The following EML6 variants were observed in gnomAD, a reference collection of about 807,000 sequenced individuals.
EML6 encodes EMAP like 6, also known as echinoderm microtubule-associated protein-like 6.
EML6 carries 154 observed loss-of-function variants against 240.1 expected under a neutral mutation model. That is an observed-to-expected ratio of 0.64 (90% CI 0.56 to 0.73). EML6 has a LOEUF of 0.73. Among genes scored for constraint, EML6 ranks in the 30% least tolerant of loss-of-function variants. The pLI is 0.00. For synonymous variants in EML6, 1,148 were observed against 899.0 expected (o/e 1.28, Z -4.95); for missense variants, 2,964 against 2,474.6 (o/e 1.20, Z -4.20).
intron 32 of EML6, among the ~76,000 whole-genome samples, chr2:54,955,944 G>C (rs1676212009): frequency 6.6e-6 from 1 of 152,044 alleles, no homozygotes; most frequent in South Asian, 2.1e-4. Context: ...GTTTGGGGAG[G>C]TTTACATACA....
chr2:54,882,394 C>G (rs1481838247), intron 17 of EML6: 1 of 151,184 alleles, frequency 6.6e-6, no homozygotes, highest in South Asian at 2.1e-4. Context: ...CACTGTCAAT[C>G]AGGGCAGAAT....
chr2:54,912,357 T>C (rs757765132), intron 25 of EML6, among the ~76,000 whole-genome samples: 26 of 152,222 alleles, frequency 1.7e-4, no homozygotes, highest in Admixed American at 3.3e-4. Context: ...ACGTCCTTCA[T>C]TCACTGGTAA....
chr2:54,884,683 T>G (rs73938658), intron 17 of EML6, among the ~76,000 whole-genome samples: 6,513 of 152,292 alleles, frequency 0.043, 489 homozygotes, highest in African/African-American at 0.15. Context: ...ACAATGGCAC[T>G]AAGAAATCAG....
chr2:54,726,923 C>G (rs978665440), intron 2 of EML6, among the ~76,000 whole-genome samples: 2 of 152,160 alleles, frequency 1.3e-5, no homozygotes, highest in Admixed American at 6.5e-5. Context: ...ATTAATGTGA[C>G]AGTTCACTGA....
At position 54,968,732 on chromosome 2, in the gene EML6, A is replaced by G. The variant is rs762934180; in HGVS notation, c.5816A>G (p.Asp1939Gly). The change falls in exon 41 of 42, where the codon GAC becomes GGC. Residue 1939 changes from aspartate to glycine, a missense_variant. Transcript: ENST00000356458. The part of the protein sequence containing the change: ...HVTNIRFSYD[D>G]KYVVSTGGDD... ...ACGAACATCCGTTTCTCTTATGATG[A>G]CAAGTATGTGGTCAGCACTGGAGGA... The G allele has an allele frequency of 1.3e-6, 2 of 1,550,502 alleles. No homozygotes were observed. The highest frequency in any genetic ancestry group is 2.7e-5 in the African/African-American group (2 of 73,004).
intron 26 of EML6, among the ~76,000 whole-genome samples, chr2:54,920,975 C>T (rs1674215754): frequency 6.6e-6 from 1 of 151,964 alleles, no homozygotes; most frequent in Non-Finnish European, 1.5e-5. Flanking sequence ...TGATTAAAAA[C>T]ACTTCAATTA....
intron 26 of EML6, among the ~76,000 whole-genome samples, chr2:54,922,933 CTTTTTT>C (rs36078208): frequency 8.1e-5 from 6 of 73,852 alleles, no homozygotes; most frequent in South Asian, 5.4e-4. Context: ...AGGGTATAAA[CTTTTTT>C]TTTTTTTTTT....
At chr2:54,809,614 G>A (rs1667725487) in intron 2 of EML6, among the ~76,000 whole-genome samples, 1 of 151,944 alleles carries the variant, frequency 6.6e-6, no homozygotes, top group African/African-American at 2.4e-5. Flanking sequence ...TTTCATTTGG[G>A]GAAAATTCAA....
chr2:54,841,010 A>AG (rs1180228004), intron 7 of EML6, among the ~76,000 whole-genome samples: 5 of 152,252 alleles, frequency 3.3e-5, no homozygotes, highest in African/African-American at 1.2e-4. Context: ...GCAGGAGCTG[A>AG]GAAAAACACC....
At chr2:54,777,244 C>CT (rs1282642615) in intron 2 of EML6, among the ~76,000 whole-genome samples, 2 of 152,114 alleles carry the variant, frequency 1.3e-5, no homozygotes, top group African/African-American at 2.4e-5. Context: ...TGCCTTCTCA[C>CT]TGCCAGCAAA....
chr2:54,794,573 C>G (rs1291969023), intron 2 of EML6, among the ~76,000 whole-genome samples: 2 of 152,110 alleles, frequency 1.3e-5, no homozygotes, highest in Non-Finnish European at 2.9e-5. Context: ...TCCTGATGCC[C>G]CCTAAAGGAT....
intron 33 of EML6, among the ~76,000 whole-genome samples, chr2:54,958,736 G>T (rs1433751476): frequency 1.3e-5 from 2 of 152,296 alleles, no homozygotes; most frequent in East Asian, 3.9e-4. Flanking sequence ...TGGTCCTCCA[G>T]GAGTGGGTTT....
At chr2:54,751,996 T>C (rs1490964352) in intron 2 of EML6, among the ~76,000 whole-genome samples, 1 of 152,230 alleles carries the variant, frequency 6.6e-6, no homozygotes, top group African/African-American at 2.4e-5. Context: ...CAGCCTCTAT[T>C]TGTAACTTAG....
Position 54,799,856 on chromosome 2 carries a change from T to C in EML6, c.198-13376T>C, listed in dbSNP as rs191911277. Among the ~76,000 whole-genome samples, 694 of 152,360 alleles carry C rather than the reference T, an allele frequency of 4.6e-3. 6 individuals carry two copies. The highest frequency in any genetic ancestry group is 0.014 in the African/African-American group (595 of 41,582). The stretch of plus-strand genomic sequence containing the variant: ...CATTTTGAGTCTTTGCTCAGTTTGT[T>C]ACTAGATAGAGCTCTCTGACCTTTG... On this transcript the variant is annotated intron_variant, in intron 2 of 41. Transcript: ENST00000356458.
At chr2:54,845,665 A>C (rs1669712508) in intron 8 of EML6, among the ~76,000 whole-genome samples, 1 of 152,206 alleles carries the variant, frequency 6.6e-6, no homozygotes, top group Non-Finnish European at 1.5e-5. Context: ...AAAATAGTAC[A>C]AGGTTGAAAC....
At chr2:54,849,036 T>G (rs1304844804) in intron 9 of EML6, among the ~76,000 whole-genome samples, 12 of 152,234 alleles carry the variant, frequency 7.9e-5, no homozygotes, top group Admixed American at 4.6e-4. Context: ...CCATGGCGTA[T>G]TTTTAAAACA....
chr2:54,800,899 G>C (rs1670101846), intron 2 of EML6, among the ~76,000 whole-genome samples: 1 of 152,104 alleles, frequency 6.6e-6, no homozygotes, highest in African/African-American at 2.4e-5. Context: ...GACGTCTCTG[G>C]AACAGGAGCT....
At chr2:54,950,433 G>A (rs1015859524) in intron 29 of EML6, among the ~76,000 whole-genome samples, 3 of 152,384 alleles carry the variant, frequency 2.0e-5, no homozygotes, top group African/African-American at 7.2e-5. Flanking sequence ...GTGATTCTGT[G>A]TGTTAGACTG....
chr2:54,889,619 T>G (rs1460227255), intron 17 of EML6, among the ~76,000 whole-genome samples: 1 of 152,098 alleles, frequency 6.6e-6, no homozygotes, highest in Non-Finnish European at 1.5e-5. Context: ...GTTATTGATT[T>G]GGTATTCAAT....
Sources: allele counts gnomAD v4.1 joint callset (sites outside exome capture counted in the v4.1 genomes callset), GRCh38; gene constraint gnomAD v4.1.1; transcripts MANE v1.5; gene names NCBI Gene and HGNC (gene_info 2026-07-23, HGNC 2026-07-21).